Variants in TBC1D19 observed in about 807,000 individuals in gnomAD.
The protein encoded by TBC1D19 is TBC1 domain family member 19, also known as TBC1 domain family, member 19.
In TBC1D19, 60 loss-of-function variants were observed where a neutral mutation model predicts 89.0. The ratio of observed to expected loss-of-function variants is 0.67; its 90% CI spans 0.55 to 0.84. The LOEUF (loss-of-function observed/expected upper bound fraction) is 0.84. Ranked by LOEUF, TBC1D19 falls within the 40% of genes least tolerant of loss-of-function variation. The probability of loss-of-function intolerance (pLI) is 0.00; values close to 1 mark genes in which losing one functional copy is unlikely to be tolerated. For missense variants in TBC1D19, 500 were observed against 610.8 expected (o/e 0.82, Z 1.91); for synonymous variants, 189 against 199.7 (o/e 0.95, Z 0.45).
chr4:26,606,181 G>C (rs1431986855), intron 1 of TBC1D19, among the ~76,000 whole-genome samples: 1 of 152,108 alleles, frequency 6.6e-6, no homozygotes, highest in Non-Finnish European at 1.5e-5. Context: ...AAGAGTGAGG[G>C]TCCTGCGACT....
Position 26,584,254 on chromosome 4 carries a change from G to A in TBC1D19, c.61G>A (p.Gly21Ser), listed in dbSNP as rs750913378. ...IIAQIVQKLKGSNLYSQLERQ... is the reference protein window; with the variant it reads ...IIAQIVQKLKSSNLYSQLERQ... ...TGCCCAGATAGTCCAAAAGCTCAAG[G>A]GCTCCAATTTGTACTCTCAGCTGGA... Residue 21 changes from glycine (G) to serine (S), a missense_variant, in exon 1 of 21, where the codon GGC becomes AGC. Around this residue, in one of 2 missense-constraint regions of TBC1D19, gnomAD observed 280 missense variants for 291.7 expected, o/e 0.96. Coordinates refer to ENST00000264866, the MANE Select transcript of TBC1D19 (RefSeq NM_018317.4). The A allele has an allele frequency of 3.7e-6, 6 of 1,612,860 alleles. No homozygotes were observed. In the South Asian group the frequency reaches 6.6e-5, roughly 18 times the overall value.
chr4:26,708,258 G>A (rs1048142611), intron 13 of TBC1D19, among the ~76,000 whole-genome samples: 2 of 151,966 alleles, frequency 1.3e-5, no homozygotes, highest in Non-Finnish European at 2.9e-5. Flanking sequence ...TTGATTAATG[G>A]CTTTTTTCTT....
At chr4:26,809,419 A>G in the TBC1D19 span, among the ~76,000 whole-genome samples, 1 of 152,136 alleles carries the variant, frequency 6.6e-6, no homozygotes, top group Non-Finnish European at 1.5e-5. Context: ...ACCTAAGACC[A>G]CACTCCTATT....
the TBC1D19 span, among the ~76,000 whole-genome samples, chr4:26,787,533 G>A: frequency 6.6e-6 from 1 of 152,178 alleles, no homozygotes; most frequent in Non-Finnish European, 1.5e-5. Flanking sequence ...CTGACGAAAG[G>A]GCAGCACTAT....
intron 12 of TBC1D19, among the ~76,000 whole-genome samples, chr4:26,684,874 G>T (rs1422787149): frequency 6.6e-6 from 1 of 152,102 alleles, no homozygotes; most frequent in Non-Finnish European, 1.5e-5. Context: ...TTACTATTTA[G>T]TGCATACAAC....
At chr4:26,695,026 G>GA (rs1369702079) in intron 13 of TBC1D19, among the ~76,000 whole-genome samples, 1 of 152,176 alleles carries the variant, frequency 6.6e-6, no homozygotes, top group Non-Finnish European at 1.5e-5. Flanking sequence ...ACCAGCAACG[G>GA]AAAAAAGCTG....
intron 1 of TBC1D19, among the ~76,000 whole-genome samples, chr4:26,610,649 G>T (rs769369152): frequency 1.8e-4 from 28 of 151,660 alleles, no homozygotes; most frequent in Middle Eastern, 3.4e-3. Flanking sequence ...TCCCTTCTTT[G>T]TGTCCATGTG....
At chr4:26,793,998 C>T in the TBC1D19 span, among the ~76,000 whole-genome samples, 2 of 152,136 alleles carry the variant, frequency 1.3e-5, no homozygotes, top group African/African-American at 4.8e-5. Flanking sequence ...CCCTGATTAG[C>T]TAGTCTTGAG....
chr4:26,760,312 C>T (rs1271616612), downstream of TBC1D19, among the ~76,000 whole-genome samples: 1 of 152,120 alleles, frequency 6.6e-6, no homozygotes, highest in Non-Finnish European at 1.5e-5. Context: ...CCTATAATCC[C>T]AGCACTTTGG....
Position 26,740,920 on chromosome 4 carries a change from A to T in TBC1D19, c.1227+947A>T, listed in dbSNP as rs1180295748. On this transcript the variant is annotated intron_variant, in intron 17 of 20. Transcript: ENST00000264866. ...GCTAGTGAAAGTTGGCAAATCACAG[A>T]ATTCCAGGATGTTACAGATAAACAA... 3.0e-6 allele frequency: 3 copies of T among 985,314 alleles called. No individual in the cohort carries two copies. In the African/African-American group the frequency reaches 5.2e-5, roughly 17 times the overall value. The allele number at this position is 985,314 out of a possible 1,614,324, so 61.0% of individuals were successfully genotyped here. A position where few individuals can be genotyped will look rare whatever the true frequency, so the allele number is the denominator to read the frequency against.
the TBC1D19 span, among the ~76,000 whole-genome samples, chr4:26,792,091 T>A: frequency 6.6e-6 from 1 of 152,066 alleles, no homozygotes; most frequent in Non-Finnish European, 1.5e-5. Context: ...CCTAGCAGAA[T>A]GTAATGTCCT....
At chr4:26,721,408 G>A (rs184857268) in intron 15 of TBC1D19, among the ~76,000 whole-genome samples, 8 of 151,072 alleles carry the variant, frequency 5.3e-5, no homozygotes, top group East Asian at 3.9e-4. Context: ...CTAATAAGTC[G>A]CGAGGACCTT....
intron 11 of TBC1D19, among the ~76,000 whole-genome samples, chr4:26,678,528 CTT>C (rs918472765): frequency 1.4e-5 from 2 of 140,406 alleles, no homozygotes. Context: ...AGCGAAACTG[CTT>C]TTTTTTTTTT....
chr4:26,794,322 A>T, the TBC1D19 span, among the ~76,000 whole-genome samples: 1 of 152,320 alleles, frequency 6.6e-6, no homozygotes, highest in South Asian at 2.1e-4. Context: ...GAAATTAGTA[A>T]GACAAAATCA....
rs1322617229 is a variant in TBC1D19 at position 26,647,359 on chromosome 4, TCA to T, written c.480+7173_480+7174del. ...GACACTTGGAATTCATTATTTTAAT[TCA>T]TACGTTTGATTTCACTCTTTCTCTT... On this transcript the variant is annotated intron_variant, in intron 7 of 20. Coordinates refer to ENST00000264866, the MANE Select transcript of TBC1D19 (RefSeq NM_018317.4). Among the ~76,000 whole-genome samples the T allele has an allele frequency of 7.2e-5, 11 of 152,302 alleles. No individual in the cohort carries two copies. The East Asian group carries it at 2.1e-3, about 29-fold the overall frequency.
At chr4:26,772,617 C>G in the TBC1D19 span, among the ~76,000 whole-genome samples, 2 of 152,144 alleles carry the variant, frequency 1.3e-5, no homozygotes, top group Non-Finnish European at 2.9e-5. Context: ...TGCTCTCCCT[C>G]CCTCATCCCA....
intron 13 of TBC1D19, among the ~76,000 whole-genome samples, chr4:26,689,967 G>A (rs1187058985): frequency 6.6e-6 from 1 of 152,166 alleles, no homozygotes; most frequent in Non-Finnish European, 1.5e-5. Context: ...CAAAAGCTAG[G>A]CCTCTTGCAC....
the TBC1D19 span, among the ~76,000 whole-genome samples, chr4:26,826,982 A>G: frequency 2.6e-5 from 4 of 152,170 alleles, no homozygotes; most frequent in African/African-American, 9.7e-5. Context: ...TGGTTACATA[A>G]TATTTTTTTC....
At chr4:26,643,144 G>A (rs547746088) in intron 7 of TBC1D19, among the ~76,000 whole-genome samples, 24 of 152,176 alleles carry the variant, frequency 1.6e-4, no homozygotes, top group African/African-American at 4.6e-4. Flanking sequence ...GCACCACATC[G>A]CACTTATTTC....
Sources: allele counts gnomAD v4.1 joint callset (sites outside exome capture counted in the v4.1 genomes callset), GRCh38; gene constraint gnomAD v4.1.1; regional missense constraint gnomAD v4.1.1; transcripts MANE v1.5; gene names NCBI Gene and HGNC (gene_info 2026-07-23, HGNC 2026-07-21).